FUT9: variants seen among roughly 807,000 people sequenced by gnomAD.
The protein encoded by FUT9 is fucosyltransferase 9.
Under a neutral mutation model 29.7 loss-of-function variants are expected in FUT9, and 15 were observed. The ratio of observed to expected loss-of-function variants is 0.51; its 90% CI spans 0.34 to 0.78. The LOEUF is 0.78. FUT9 is among the 30% of genes least tolerant of loss of function. FUT9 has a pLI of 0.01. For synonymous variants in FUT9, 169 were observed against 153.7 expected, an observed-to-expected ratio of 1.10 and a Z score of -0.74; for missense variants, 319 against 425.4, an observed-to-expected ratio of 0.75 and a Z score of 2.20.
At chr6:96,050,904 A>G (rs1770654787) in intron 1 of FUT9, among the ~76,000 whole-genome samples, 1 of 152,218 alleles carries the variant, frequency 6.6e-6, no homozygotes, top group African/African-American at 2.4e-5. Flanking sequence ...TTATATGGTA[A>G]TAAAAACACT....
chr6:96,161,183 C>T (rs11156249), intron 2 of FUT9, among the ~76,000 whole-genome samples: 24,099 of 152,010 alleles, frequency 0.16, 2,115 homozygotes, highest in African/African-American at 0.19. Context: ...AACTTAATCC[C>T]AAATGTGATG....
rs572614510 is a variant in FUT9, at chr6:96,158,877, T to A, written c.-8-44271T>A. ...TTTTTAAGCACTTGCTTGCAGATTT[T>A]CTGCTGCGTCCGTGTTGTTGATGGG... On this transcript the variant is annotated intron_variant, in intron 2 of 2. Coordinates refer to ENST00000302103, the MANE Select transcript of FUT9 (RefSeq NM_006581.4). Among the ~76,000 whole-genome samples the A allele has an allele frequency of 2.5e-3, 380 of 152,270 alleles. 1 individual carries two copies. Among genetic ancestry groups the A allele is most frequent in the African/African-American group, 8.9e-3 (368 of 41,580 alleles).
At chr6:96,199,575 T>C (rs1180858450) in intron 2 of FUT9, among the ~76,000 whole-genome samples, 1 of 152,000 alleles carries the variant, frequency 6.6e-6, no homozygotes, top group Non-Finnish European at 1.5e-5. Flanking sequence ...GACTGAGACA[T>C]GGAACTAAAA....
In FUT9 at chr6:96,022,605, A is replaced by G. The variant is rs557033301; in HGVS notation, c.-98+6393A>G. Among the ~76,000 whole-genome samples, 31 of 152,046 alleles carry G rather than the reference A, an allele frequency of 2.0e-4. 1 individual carries two copies. The South Asian group carries it at 6.0e-3, about 30-fold the overall frequency. On this transcript the variant is annotated intron_variant, in intron 1 of 2. Transcript: ENST00000302103. ...GAGTTAAATTTAAGGCACTTGCAAC[A>G]GTTGAATGAGCCACTTTTTCATGTA... is the stretch of plus-strand genomic sequence containing the variant.
rs193191796 is a variant in FUT9, at chr6:96,028,267, A to C, written c.-98+12055A>C. Among the ~76,000 whole-genome samples the C allele has an allele frequency of 2.4e-4, 37 of 151,730 alleles. 1 individual carries two copies. The highest frequency in any genetic ancestry group is 3.4e-3 in the Middle Eastern group (1 of 294). On this transcript the variant is annotated intron_variant, in intron 1 of 2. Transcript: ENST00000302103. ...AACACTGCGTTACATGGAAAAAAAA[A>C]CACAGAGCTGTAACCAGATATAACT...
At chr6:96,055,715 T>C (rs1268529247) in intron 1 of FUT9, among the ~76,000 whole-genome samples, 3 of 119,808 alleles carry the variant, frequency 2.5e-5, no homozygotes, top group Non-Finnish European at 6.4e-5. Context: ...TTTTCTTTTT[T>C]TTTTTTTTTC....
At chr6:96,078,408 CTTT>C (rs71012536) in intron 1 of FUT9, among the ~76,000 whole-genome samples, 567 of 43,928 alleles carry the variant, frequency 0.013, no homozygotes, top group East Asian at 0.02. Flanking sequence ...TATTAGTCTT[CTTT>C]TTTTTTTTTT....
chr6:96,180,935 G>GAA (rs5878423), intron 2 of FUT9, among the ~76,000 whole-genome samples: 189 of 148,312 alleles, frequency 1.3e-3, no homozygotes, highest in East Asian at 3.9e-3. Context: ...TTAAGTAAAA[G>GAA]AAAAAAAAAA....
rs145363365 is a variant in FUT9, at chr6:96,152,332, G to A, written c.-9+38205G>A. Among the ~76,000 whole-genome samples, 15 of 152,158 alleles carry A rather than the reference G, an allele frequency of 9.9e-5. No individual in the cohort carries two copies. The East Asian group carries it at 2.3e-3, about 23-fold the overall frequency. Reference sequence around the variant, plus strand: ...TGACCTAGATTTATATGTGGATATCGCTCCCACAGGCATCTGGCACCCACC... The same window carrying A: ...TGACCTAGATTTATATGTGGATATCACTCCCACAGGCATCTGGCACCCACC... On this transcript the variant is annotated intron_variant, in intron 2 of 2. Transcript: ENST00000302103.
At chr6:96,155,317 T>G (rs1379206977) in intron 2 of FUT9, among the ~76,000 whole-genome samples, 1 of 152,108 alleles carries the variant, frequency 6.6e-6, no homozygotes, top group African/African-American at 2.4e-5. Flanking sequence ...TGGTCTGAAA[T>G]GTGTTCTCAA....
chr6:96,181,650 C>T (rs561911249), intron 2 of FUT9, among the ~76,000 whole-genome samples: 1 of 152,054 alleles, frequency 6.6e-6, no homozygotes, highest in South Asian at 2.1e-4. Flanking sequence ...CATATTTTAG[C>T]TCCCACTTAT....
Position 96,208,172 on chromosome 6 carries a change from G to A in FUT9, c.*3937G>A, listed in dbSNP as rs1773867843. Reference sequence around the variant, plus strand: ...GGCTTTAAATTCTTACCTCCAATTGGAGGTTAAATATTAAAAGAATAGGAA... The same window carrying A: ...GGCTTTAAATTCTTACCTCCAATTGAAGGTTAAATATTAAAAGAATAGGAA... On this transcript the variant is annotated 3_prime_UTR_variant, in exon 3 of 3. Coordinates refer to ENST00000302103, the MANE Select transcript of FUT9 (RefSeq NM_006581.4). 6.0e-6 allele frequency: 1 copy of A among 166,508 alleles called. No individual in the cohort carries two copies. The highest frequency in any genetic ancestry group is 6.6e-5 in the Admixed American group (1 of 15,174). 10.3% of individuals were successfully genotyped at this position (166,508 alleles called of 1,614,324 possible).
At position 96,212,647 on chromosome 6, in the gene FUT9, A is replaced by C. The variant is rs1428609732; in HGVS notation, c.*8412A>C. On this transcript the variant is annotated 3_prime_UTR_variant, in exon 3 of 3. Coordinates refer to ENST00000302103, the MANE Select transcript of FUT9 (RefSeq NM_006581.4). ...AATAATGTATGAGATGAAGGTAGGA[A>C]GTAATGTGTGCTTGCAGAAATGCAA... 3.6e-6 allele frequency: 1 copy of C among 276,534 alleles called. No individual in the cohort carries two copies. Among genetic ancestry groups the C allele is most frequent in the African/African-American group, 2.2e-5 (1 of 45,464 alleles). The allele number at this position is 276,534 out of a possible 1,614,324, so 17.1% of individuals were successfully genotyped here.
intron 1 of FUT9, among the ~76,000 whole-genome samples, chr6:96,064,007 T>C (rs1770920099): frequency 6.6e-6 from 1 of 152,188 alleles, no homozygotes; most frequent in Non-Finnish European, 1.5e-5. Flanking sequence ...CTATTAGGGA[T>C]AATAGATATC....
At chr6:96,023,858 T>C (rs983578536) in intron 1 of FUT9, among the ~76,000 whole-genome samples, 2 of 151,886 alleles carry the variant, frequency 1.3e-5, no homozygotes, top group Admixed American at 1.3e-4. Context: ...CTTTTTCTTC[T>C]TATTGTTTTT....
intron 2 of FUT9, among the ~76,000 whole-genome samples, chr6:96,124,507 A>C (rs1171350558): frequency 7.3e-5 from 11 of 151,538 alleles, no homozygotes; most frequent in Non-Finnish European, 1.3e-4. Flanking sequence ...TTTAATTTTT[A>C]TTTTTGTTTT....
chr6:96,197,881 A>G (rs1773654839), intron 2 of FUT9, among the ~76,000 whole-genome samples: 1 of 152,110 alleles, frequency 6.6e-6, no homozygotes, highest in Admixed American at 6.6e-5. Flanking sequence ...GTTCTATAGC[A>G]TGCTCCTGTT....
intron 2 of FUT9, among the ~76,000 whole-genome samples, chr6:96,166,251 T>G (rs1773014215): frequency 6.6e-6 from 1 of 152,198 alleles, no homozygotes; most frequent in South Asian, 2.1e-4. Context: ...GTAATTATAC[T>G]GCCAGGACAG....
At chr6:96,018,967 C>A (rs781079958) in intron 1 of FUT9, among the ~76,000 whole-genome samples, 3 of 151,580 alleles carry the variant, frequency 2.0e-5, no homozygotes, top group African/African-American at 4.8e-5. Flanking sequence ...AATAAAAGTT[C>A]TATTATTTGG....
Sources: gnomAD v4.1 joint callset for allele counts (sites outside exome capture counted in the v4.1 genomes callset) on GRCh38, gnomAD v4.1.1 for gene constraint, MANE v1.5 for transcripts, NCBI Gene and HGNC (gene_info 2026-07-23, HGNC 2026-07-21) for gene names.